The following ZNF362 variants were observed in gnomAD, a reference collection of about 807,000 sequenced individuals.
The protein encoded by ZNF362 is zinc finger protein 362, also known as rotund homolog.
ZNF362 carries 11 observed loss-of-function variants against 42.9 expected under a neutral mutation model. The observed-to-expected ratio is 0.26, with a 90% CI of 0.16 to 0.42. The LOEUF (loss-of-function observed/expected upper bound fraction) is 0.42. Ranked by LOEUF, ZNF362 falls within the 20% of genes least tolerant of loss-of-function variation. The pLI, the probability that ZNF362 is intolerant of heterozygous loss-of-function variation, is 1.00. For missense variants in ZNF362, 362 were observed against 576.2 expected (o/e 0.63, Z 3.81); for synonymous variants, 255 against 257.3 (o/e 0.99, Z 0.09).
the ZNF362 span, among the ~76,000 whole-genome samples, chr1:33,206,513 C>T: frequency 1.3e-5 from 2 of 152,152 alleles, no homozygotes; most frequent in Non-Finnish European, 1.5e-5. Context: ...ATGGGAGGAT[C>T]ACTTGAGCCC....
chr1:33,204,727 T>A, the ZNF362 span, among the ~76,000 whole-genome samples: 2 of 152,186 alleles, frequency 1.3e-5, no homozygotes, highest in Admixed American at 6.5e-5. Context: ...CAGAATCAAA[T>A]CAAGGATGTC....
At chr1:33,212,687 CTT>C in the ZNF362 span, among the ~76,000 whole-genome samples, 1 of 152,178 alleles carries the variant, frequency 6.6e-6, no homozygotes, top group African/African-American at 2.4e-5. Flanking sequence ...GTGCCACACA[CTT>C]TTAAACAACC....
At chr1:33,214,326 G>A in the ZNF362 span, among the ~76,000 whole-genome samples, 1 of 152,226 alleles carries the variant, frequency 6.6e-6, no homozygotes, top group Admixed American at 6.5e-5. Context: ...CCTATCTCTT[G>A]CCATATACAA....
the ZNF362 span, among the ~76,000 whole-genome samples, chr1:33,243,153 G>GTTATT: frequency 6.6e-6 from 1 of 151,382 alleles, no homozygotes; most frequent in Middle Eastern, 3.4e-3. Context: ...GTTATGTTAT[G>GTTATT]TTATGTTGTT....
At chr1:33,262,922 G>T (rs1383996604) in intron 1 of ZNF362, among the ~76,000 whole-genome samples, 1 of 152,170 alleles carries the variant, frequency 6.6e-6, no homozygotes, top group Non-Finnish European at 1.5e-5. Flanking sequence ...ATAGGAGCAC[G>T]TGCATGTGCT....
the ZNF362 span, among the ~76,000 whole-genome samples, chr1:33,182,324 TG>T: frequency 6.6e-6 from 1 of 152,246 alleles, no homozygotes; most frequent in Non-Finnish European, 1.5e-5. Context: ...AGCATCTTTC[TG>T]GATCATCGAT....
chr1:33,196,933 A>G, the ZNF362 span, among the ~76,000 whole-genome samples: 1 of 152,162 alleles, frequency 6.6e-6, no homozygotes, highest in East Asian at 1.9e-4. Flanking sequence ...ATGTTGCCAG[A>G]GATTTACATT....
the ZNF362 span, among the ~76,000 whole-genome samples, chr1:33,191,212 C>T: frequency 6.6e-6 from 1 of 152,224 alleles, no homozygotes; most frequent in African/African-American, 2.4e-5. Context: ...GAATACACTA[C>T]ATTAGATCTC....
At chr1:33,158,288 G>A in the ZNF362 span, 1 of 1,614,074 alleles carries the variant, frequency 6.2e-7, no homozygotes, top group South Asian at 1.1e-5. Flanking sequence ...CTTCCAGATG[G>A]TGTACTGCAG....
At chr1:33,192,991 A>G in the ZNF362 span, among the ~76,000 whole-genome samples, 43 of 22,738 alleles carry the variant, frequency 1.9e-3, no homozygotes, top group African/African-American at 3.5e-3. Flanking sequence ...ACACACACAC[A>G]CACACACACA....
chr1:33,255,866 AC>A (rs1645784288), upstream of ZNF362, among the ~76,000 whole-genome samples: 1 of 149,676 alleles, frequency 6.7e-6, no homozygotes, highest in African/African-American at 2.5e-5. Context: ...TTCGAGGGAG[AC>A]CCCCAGGGGC....
the ZNF362 span, among the ~76,000 whole-genome samples, chr1:33,201,158 G>A: frequency 2.6e-5 from 4 of 152,030 alleles, no homozygotes; most frequent in South Asian, 8.3e-4. Flanking sequence ...CTGATAGAAC[G>A]AACTGCAAGG....
At position 33,256,876 on chromosome 1, in the gene ZNF362, C is replaced by G. The variant is rs1317486560; in HGVS notation, c.-89+222C>G. On this transcript the variant is annotated intron_variant, in intron 1 of 8. Transcript: ENST00000539719. ...GGGCGCGCGGGGTAGGAAGTGTCTC[C>G]CGCGGCGTGTCTGGGGCTGGTCTCC... Among the ~76,000 whole-genome samples the G allele has an allele frequency of 3.3e-5, 5 of 150,078 alleles. No homozygotes were observed. In the East Asian group the frequency reaches 9.8e-4, roughly 29 times the overall value.
At chr1:33,149,240 C>T in the ZNF362 span, among the ~76,000 whole-genome samples, 1 of 152,340 alleles carries the variant, frequency 6.6e-6, no homozygotes. Context: ...GCAACCTCCA[C>T]CTCCCAGGTT....
At chr1:33,182,211 G>A in the ZNF362 span, among the ~76,000 whole-genome samples, 1 of 151,968 alleles carries the variant, frequency 6.6e-6, no homozygotes, top group African/African-American at 2.4e-5. Flanking sequence ...GCGAAGCCCA[G>A]CTGTTCCTTC....
the ZNF362 span, among the ~76,000 whole-genome samples, chr1:33,150,951 C>T: frequency 1.3e-5 from 2 of 152,106 alleles, no homozygotes; most frequent in Admixed American, 6.5e-5. Context: ...ATATCTAAGG[C>T]GCCTGGGTGA....
chr1:33,296,893 A>G (rs1557801536), intron 8 of ZNF362, among the ~76,000 whole-genome samples: 1 of 151,142 alleles, frequency 6.6e-6, no homozygotes, highest in Non-Finnish European at 1.5e-5. Context: ...TGGAATCAAA[A>G]TCCTGGGCTC....
chr1:33,287,592 G>A (rs1646042116), intron 6 of ZNF362, among the ~76,000 whole-genome samples: 1 of 152,208 alleles, frequency 6.6e-6, no homozygotes, highest in Non-Finnish European at 1.5e-5. Context: ...GAGTGACTCT[G>A]GATTTGTCTG....
chr1:33,170,321 T>TA, the ZNF362 span, among the ~76,000 whole-genome samples: 5 of 146,684 alleles, frequency 3.4e-5, no homozygotes, highest in African/African-American at 1.3e-4. Flanking sequence ...CCAGTCTCTT[T>TA]AAAAAAAAAA....
Sources: gnomAD v4.1 joint callset for allele counts (sites outside exome capture counted in the v4.1 genomes callset) on GRCh38, gnomAD v4.1.1 for gene constraint, MANE v1.5 for transcripts, NCBI Gene and HGNC (gene_info 2026-07-23, HGNC 2026-07-21) for gene names.